Variants in NKAIN2 observed in about 807,000 individuals in gnomAD.
NKAIN2 encodes the protein sodium/potassium transporting ATPase interacting 2, also known as sodium/potassium-transporting ATPase subunit beta-1-interacting protein 2.
Under a neutral mutation model 32.6 loss-of-function variants are expected in NKAIN2, and 14 were observed. The observed-to-expected ratio is 0.43, with a 90% CI of 0.28 to 0.67. NKAIN2 has a LOEUF of 0.67. NKAIN2 is among the 30% of genes least tolerant of loss of function. The pLI, the probability that NKAIN2 is intolerant of heterozygous loss-of-function variation, is 0.17. For synonymous variants in NKAIN2, 80 were observed against 87.2 expected (o/e 0.92, Z 0.46); for missense variants, 198 against 258.3 (o/e 0.77, Z 1.60).
At chr6:124,731,640 C>T (rs1162002303) in intron 4 of NKAIN2, among the ~76,000 whole-genome samples, 3 of 150,190 alleles carry the variant, frequency 2.0e-5, no homozygotes, top group Non-Finnish European at 4.4e-5. Context: ...AGTGCACCAG[C>T]ATGGCACATG....
chr6:124,692,098 AT>A (rs1774285493), intron 4 of NKAIN2, among the ~76,000 whole-genome samples: 1 of 152,216 alleles, frequency 6.6e-6, no homozygotes, highest in African/African-American at 2.4e-5. Flanking sequence ...TATAAAATGT[AT>A]TACTACATGT....
intron 2 of NKAIN2, among the ~76,000 whole-genome samples, chr6:124,303,689 G>A (rs1226972256): frequency 1.3e-5 from 2 of 152,208 alleles, no homozygotes; most frequent in East Asian, 3.9e-4. Flanking sequence ...TGTCTCTACA[G>A]GGAAGTTATA....
At chr6:124,559,711 G>A (rs1780614000) in intron 3 of NKAIN2, among the ~76,000 whole-genome samples, 1 of 151,986 alleles carries the variant, frequency 6.6e-6, no homozygotes, top group Non-Finnish European at 1.5e-5. Flanking sequence ...CTTCTATCAT[G>A]CCACATAGAG....
chr6:124,418,158 CTG>C (rs144452856), intron 3 of NKAIN2, among the ~76,000 whole-genome samples: 22 of 149,394 alleles, frequency 1.5e-4, no homozygotes, highest in Admixed American at 2.0e-4. Context: ...CCTGTGTGGA[CTG>C]TGTGTGTGTG....
intron 1 of NKAIN2, among the ~76,000 whole-genome samples, chr6:124,109,872 C>G (rs1215890183): frequency 6.6e-6 from 1 of 151,936 alleles, no homozygotes; most frequent in Non-Finnish European, 1.5e-5. Context: ...TGATTTTTAT[C>G]CTTTATTCTG....
intron 1 of NKAIN2, among the ~76,000 whole-genome samples, chr6:123,881,330 T>G (rs1311566918): frequency 6.6e-6 from 1 of 152,178 alleles, no homozygotes; most frequent in African/African-American, 2.4e-5. Flanking sequence ...ACACTAGGGA[T>G]TTTATTCTAA....
At chr6:123,921,147 A>G (rs566981517) in intron 1 of NKAIN2, among the ~76,000 whole-genome samples, 1 of 152,346 alleles carries the variant, frequency 6.6e-6, no homozygotes, top group African/African-American at 2.4e-5. Flanking sequence ...AGAGAACGCA[A>G]TAGTGAATCT....
chr6:124,004,916 A>T (rs1780016660), intron 1 of NKAIN2, among the ~76,000 whole-genome samples: 1 of 151,418 alleles, frequency 6.6e-6, no homozygotes, highest in Admixed American at 6.6e-5. Context: ...AAAAAAAAGA[A>T]TCTTCAGGTA....
intron 4 of NKAIN2, among the ~76,000 whole-genome samples, chr6:124,740,473 T>G (rs1362985601): frequency 1.3e-5 from 2 of 148,298 alleles, no homozygotes; most frequent in African/African-American, 5.0e-5. Context: ...TGTGTGTGTG[T>G]GGTGATAGGT....
intron 1 of NKAIN2, among the ~76,000 whole-genome samples, chr6:124,013,093 C>T (rs1374237677): frequency 6.6e-6 from 1 of 152,084 alleles, no homozygotes; most frequent in Non-Finnish European, 1.5e-5. Context: ...CGATGATGAA[C>T]ATCTTTTATG....
At chr6:124,736,514 A>G (rs1478919536) in intron 4 of NKAIN2, among the ~76,000 whole-genome samples, 3 of 151,950 alleles carry the variant, frequency 2.0e-5, no homozygotes, top group African/African-American at 2.4e-5. Flanking sequence ...GCCTGGCTTC[A>G]AAACTTCAAA....
At chr6:123,958,012 C>G (rs1231446732) in intron 1 of NKAIN2, among the ~76,000 whole-genome samples, 1 of 151,874 alleles carries the variant, frequency 6.6e-6, no homozygotes, top group Admixed American at 6.6e-5. Context: ...CATTATGATA[C>G]TGGTAGTAAT....
At chr6:124,538,423 G>A (rs998067249) in intron 3 of NKAIN2, among the ~76,000 whole-genome samples, 5 of 151,940 alleles carry the variant, frequency 3.3e-5, no homozygotes, top group African/African-American at 7.2e-5. Context: ...CTCTCCATCC[G>A]ATTGGTATTC....
chr6:124,317,491 G>A (rs897434952), intron 2 of NKAIN2, among the ~76,000 whole-genome samples: 3 of 152,088 alleles, frequency 2.0e-5, no homozygotes, highest in East Asian at 3.9e-4. Flanking sequence ...TGGGAAAGAT[G>A]TCTAGTATTG....
Position 124,658,317 on chromosome 6 carries a change from G to C in NKAIN2, c.405G>C (p.Thr135=). 1.2e-6 allele frequency: 2 copies of C among 1,614,066 alleles called. No homozygotes were observed. The highest frequency in any genetic ancestry group is 2.2e-5 in the East Asian group (1 of 44,868). The stretch of plus-strand genomic sequence containing the variant: ...CCCCAGAAGACCATCGCTACATCAC[G>C]GTCTCAGGGTGTTTGCTGGAGTACC... ...DWAPEDHRYI[T]VSGCLLEYQY... The change falls in exon 4 of 7, where the codon ACG becomes ACC. Residue 135 remains threonine (T), a synonymous_variant. Transcript: ENST00000368417.
At chr6:124,185,780 C>CT (rs1179985721) in intron 1 of NKAIN2, among the ~76,000 whole-genome samples, 29 of 152,104 alleles carry the variant, frequency 1.9e-4, no homozygotes, top group Admixed American at 7.9e-4. Flanking sequence ...ATTGACTCTC[C>CT]TTTTTGGAAT....
intron 3 of NKAIN2, among the ~76,000 whole-genome samples, chr6:124,623,020 C>T (rs1483174170): frequency 1.3e-5 from 2 of 152,058 alleles, no homozygotes; most frequent in Admixed American, 6.6e-5. Context: ...GGGCTTTTGC[C>T]GGGTAACTGC....
At chr6:123,875,000 C>T (rs1330481649) in intron 1 of NKAIN2, among the ~76,000 whole-genome samples, 1 of 151,856 alleles carries the variant, frequency 6.6e-6, no homozygotes, top group South Asian at 2.1e-4. Context: ...TGAGCTCATA[C>T]TGTTTGTACT....
chr6:123,822,182 A>G (rs529420043), intron 1 of NKAIN2, among the ~76,000 whole-genome samples: 1 of 152,250 alleles, frequency 6.6e-6, no homozygotes, highest in South Asian at 2.1e-4. Flanking sequence ...CAAATGCCAG[A>G]ATTCTTTGCA....
Sources: gnomAD v4.1 joint callset for allele counts (sites outside exome capture counted in the v4.1 genomes callset) on GRCh38, gnomAD v4.1.1 for gene constraint, MANE v1.5 for transcripts, NCBI Gene and HGNC (gene_info 2026-07-23, HGNC 2026-07-21) for gene names.